Variants in PAK1 observed in about 807,000 individuals in gnomAD.
PAK1 encodes serine/threonine-protein kinase PAK 1.
Under a neutral mutation model 67.4 loss-of-function variants are expected in PAK1, and 29 were observed. The ratio of observed to expected loss-of-function variants is 0.43; its 90% CI spans 0.32 to 0.59. The LOEUF is 0.59. Among genes scored for constraint, PAK1 ranks in the 20% least tolerant of loss-of-function variants. The probability of loss-of-function intolerance (pLI) is 0.07; values close to 1 mark genes in which losing one functional copy is unlikely to be tolerated. For synonymous variants in PAK1, 223 were observed against 237.4 expected, an observed-to-expected ratio of 0.94 and a Z score of 0.56; for missense variants, 337 against 670.7, an observed-to-expected ratio of 0.50 and a Z score of 5.50.
the PAK1 span, among the ~76,000 whole-genome samples, chr11:77,497,814 G>A: frequency 6.6e-6 from 1 of 152,166 alleles, no homozygotes; most frequent in African/African-American, 2.4e-5. Context: ...GAGATATAGT[G>A]CTCACAATGC....
At chr11:77,403,379 G>A (rs1180696173) in intron 1 of PAK1, among the ~76,000 whole-genome samples, 1 of 152,030 alleles carries the variant, frequency 6.6e-6, no homozygotes, top group East Asian at 1.9e-4. Flanking sequence ...TCCATTTTCT[G>A]ACCTCCAGTC....
At chr11:77,382,151 C>CTA (rs1949920013) in intron 2 of PAK1, among the ~76,000 whole-genome samples, 1 of 151,972 alleles carries the variant, frequency 6.6e-6, no homozygotes, top group Non-Finnish European at 1.5e-5. Flanking sequence ...AATTGATATA[C>CTA]TATATAATAC....
At chr11:77,450,271 T>G (rs1956797661) in intron 1 of PAK1, among the ~76,000 whole-genome samples, 1 of 152,154 alleles carries the variant, frequency 6.6e-6, no homozygotes, top group Non-Finnish European at 1.5e-5. Context: ...CTGGACCCAC[T>G]GAGAGAATGA....
chr11:77,396,782 T>TACTTA (rs376046576), intron 1 of PAK1, among the ~76,000 whole-genome samples: 4,884 of 152,228 alleles, frequency 0.032, 131 homozygotes, highest in African/African-American at 0.074. Context: ...CTTCTGAACT[T>TACTTA]GCTTAAGGTT....
At chr11:77,490,736 G>C in the PAK1 span, among the ~76,000 whole-genome samples, 1 of 152,256 alleles carries the variant, frequency 6.6e-6, no homozygotes, top group Non-Finnish European at 1.5e-5. Context: ...TGCCGTGTCT[G>C]TGTAGAAAGA....
chr11:77,479,084 C>G (rs12362944), upstream of PAK1, among the ~76,000 whole-genome samples: 5,731 of 88,718 alleles, frequency 0.065, 160 homozygotes, highest in Non-Finnish European at 0.093. Flanking sequence ...GACTCCGTCT[C>G]AAAAAAAAAA....
chr11:77,416,906 T>C (rs1954991501), intron 1 of PAK1, among the ~76,000 whole-genome samples: 1 of 152,038 alleles, frequency 6.6e-6, no homozygotes, highest in Admixed American at 6.5e-5. Context: ...TGAGCAGAGA[T>C]TGTGCCACTG....
chr11:77,460,281 A>G (rs2135478748), intron 1 of PAK1, among the ~76,000 whole-genome samples: 1 of 151,100 alleles, frequency 6.6e-6, no homozygotes, highest in African/African-American at 2.4e-5. Flanking sequence ...ATTGAGGTAC[A>G]GGATTATTGG....
chr11:77,328,587 C>A (rs1440136196), intron 14 of PAK1, among the ~76,000 whole-genome samples: 3 of 152,086 alleles, frequency 2.0e-5, no homozygotes, highest in Non-Finnish European at 4.4e-5. Context: ...TTGAAACCAA[C>A]GAGAACAAAG....
At chr11:77,336,379 C>T (rs1942690631) in intron 12 of PAK1, 97 bp from the exon 13 acceptor site, 2 of 861,898 alleles carry the variant, frequency 2.3e-6, no homozygotes, top group African/African-American at 1.7e-5. Context: ...ACAAGATCCG[C>T]CTGGCTTCCA....
At chr11:77,459,690 C>CTTTTTT (rs755731892) in intron 1 of PAK1, among the ~76,000 whole-genome samples, 8 of 134,556 alleles carry the variant, frequency 5.9e-5, no homozygotes, top group East Asian at 4.3e-4. Flanking sequence ...TCTTCTTCTT[C>CTTTTTT]TTTTTTTTTT....
the PAK1 span, among the ~76,000 whole-genome samples, chr11:77,490,946 T>G: frequency 6.6e-6 from 1 of 151,754 alleles, no homozygotes; most frequent in Admixed American, 6.6e-5. Context: ...TTGTTGAGAG[T>G]CATCACCACT....
At chr11:77,500,390 C>A in the PAK1 span, among the ~76,000 whole-genome samples, 1 of 149,976 alleles carries the variant, frequency 6.7e-6, no homozygotes, top group African/African-American at 2.5e-5. Context: ...TTGCTGGAAC[C>A]CAGGCAGCGA....
At chr11:77,403,171 C>A (rs1952946494) in intron 1 of PAK1, among the ~76,000 whole-genome samples, 2 of 152,198 alleles carry the variant, frequency 1.3e-5, no homozygotes, top group South Asian at 4.1e-4. Flanking sequence ...CTTTCTCTTC[C>A]TCTTGTAAAA....
chr11:77,525,873 G>A, the PAK1 span, among the ~76,000 whole-genome samples: 1 of 152,332 alleles, frequency 6.6e-6, no homozygotes, highest in African/African-American at 2.4e-5. Flanking sequence ...AGAACAACAG[G>A]AGGGAAAAGT....
At chr11:77,338,503 A>G (rs143621032) in intron 11 of PAK1, among the ~76,000 whole-genome samples, 373 of 152,296 alleles carry the variant, frequency 2.4e-3, no homozygotes, top group Middle Eastern at 0.014. Context: ...ACCCTCATAC[A>G]TTGCTGGCAG....
intron 9 of PAK1, among the ~76,000 whole-genome samples, chr11:77,347,957 G>A (rs1398342278): frequency 1.3e-5 from 2 of 150,264 alleles, no homozygotes; most frequent in Admixed American, 1.3e-4. Context: ...AGGCTTATAA[G>A]CATCTAGGTC....
At chr11:77,452,010 A>G (rs1956880603) in intron 1 of PAK1, among the ~76,000 whole-genome samples, 1 of 152,230 alleles carries the variant, frequency 6.6e-6, no homozygotes, top group African/African-American at 2.4e-5. Flanking sequence ...ACAACCCTGT[A>G]AGAGAGCTAT....
In PAK1 at chr11:77,363,177, G is replaced by A. The variant is rs143762440; in HGVS notation, c.478-4160C>T. Reference sequence around the variant, plus strand: ...AAGTTTTAAGGTCAAGGAAAATAGTGAAGAAGAAAATGACTAGGTACTGGA... The same window carrying A: ...AAGTTTTAAGGTCAAGGAAAATAGTAAAGAAGAAAATGACTAGGTACTGGA... On this transcript the variant is annotated intron_variant, in intron 5 of 14. Coordinates refer to ENST00000356341, the MANE Select transcript of PAK1 (RefSeq NM_002576.5). Among the ~76,000 whole-genome samples the A allele has an allele frequency of 1.3e-3, 196 of 152,254 alleles. 1 individual carries two copies. Among genetic ancestry groups the A allele is most frequent in the Non-Finnish European group, 2.0e-3 (133 of 68,008 alleles).
Sources: allele counts gnomAD v4.1 joint callset (sites outside exome capture counted in the v4.1 genomes callset), GRCh38; gene constraint gnomAD v4.1.1; transcripts MANE v1.5; gene names NCBI Gene and HGNC (gene_info 2026-07-23, HGNC 2026-07-21).